The following SLC25A13 variants were observed in gnomAD, a reference collection of about 807,000 sequenced individuals.
The protein encoded by SLC25A13 is solute carrier family 25 member 13, also known as electrogenic aspartate/glutamate antiporter SLC25A13, mitochondrial.
In SLC25A13, 70 loss-of-function variants were observed where a neutral mutation model predicts 85.5. That is an observed-to-expected ratio of 0.82 (90% confidence interval 0.68 to 1.00). The LOEUF (loss-of-function observed/expected upper bound fraction) is 1.00. Among genes scored for constraint, SLC25A13 ranks in the 50% least tolerant of loss-of-function variants. The pLI, the probability that SLC25A13 is intolerant of heterozygous loss-of-function variation, is 0.00. For synonymous variants in SLC25A13, 259 were observed against 288.7 expected (o/e 0.90, Z 1.04); for missense variants, 765 against 819.8 (o/e 0.93, Z 0.82).
Position 96,120,811 on chromosome 7 carries a change from C to T in SLC25A13, c.*380G>A, listed in dbSNP as rs377554502. On this transcript the variant is annotated 3_prime_UTR_variant, in exon 18 of 18. Transcript: ENST00000265631. ...GTTTCCTACCAGTTTAAAACACACA[C>T]GAAACACTGCTCTGAGCACCATGAT... 2.4e-4 allele frequency: 111 copies of T among 461,984 alleles called. No individual in the cohort carries two copies. Among genetic ancestry groups the T allele is most frequent in the African/African-American group, 6.3e-4 (32 of 50,440 alleles). The allele number at this position is 461,984 out of a possible 1,614,324, so 28.6% of individuals were successfully genotyped here.
At chr7:96,240,418 A>T (rs940481617) in intron 3 of SLC25A13, among the ~76,000 whole-genome samples, 1 of 152,172 alleles carries the variant, frequency 6.6e-6, no homozygotes. Flanking sequence ...TTTGACTTCA[A>T]TGCCTATTCT....
chr7:96,231,034 C>G (rs76040234), intron 4 of SLC25A13, among the ~76,000 whole-genome samples: 6,932 of 152,078 alleles, frequency 0.046, 208 homozygotes, highest in Admixed American at 0.088. Flanking sequence ...TTACTTGAGC[C>G]TGGTAAGCAG....
chr7:96,296,879 T>C lies in SLC25A13; in HGVS notation c.69+19A>G, dbSNP rs1198226483. On this transcript the variant is annotated intron_variant, in intron 2 of 17. Transcript: ENST00000265631. ...AACACAAATCAAACAAGAAACAAAA[T>C]AGATTCCTTTATACTGACCTTCAAA... 1.9e-6 allele frequency: 3 copies of C among 1,606,252 alleles called. No homozygotes were observed. Among genetic ancestry groups the C allele is most frequent in the East Asian group, 2.2e-5 (1 of 44,828 alleles).
chr7:96,192,679 G>A lies in SLC25A13; in HGVS notation c.615+358C>T, dbSNP rs527752891. ...CTACTCTAACAAATGATATACATGT[G>A]CACTATTTTTTTTTTTTTTTTGCCT... On this transcript the variant is annotated intron_variant, in intron 6 of 17. Coordinates refer to ENST00000265631, the MANE Select transcript of SLC25A13 (RefSeq NM_014251.3). Among the ~76,000 whole-genome samples, 256 of 70,532 alleles carry A rather than the reference G, an allele frequency of 3.6e-3. 2 individuals carry two copies. The highest frequency in any genetic ancestry group is 5.5e-3 in the South Asian group (8 of 1,454). The allele number at this position is 70,532 out of a possible 152,430, so 46.3% of individuals were successfully genotyped here.
chr7:96,238,220 T>TA (rs1796815909), intron 3 of SLC25A13, among the ~76,000 whole-genome samples: 1 of 151,886 alleles, frequency 6.6e-6, no homozygotes, highest in South Asian at 2.1e-4. Context: ...AAGATGAACA[T>TA]AGAGATCAGG....
chr7:96,242,873 G>A (rs1797045295), intron 3 of SLC25A13, among the ~76,000 whole-genome samples: 1 of 152,192 alleles, frequency 6.6e-6, no homozygotes, highest in Non-Finnish European at 1.5e-5. Context: ...GACCACCTTG[G>A]GCACATGTTC....
At chr7:96,300,054 TA>T (rs1799495296) in intron 1 of SLC25A13, among the ~76,000 whole-genome samples, 1 of 152,168 alleles carries the variant, frequency 6.6e-6, no homozygotes, top group African/African-American at 2.4e-5. Context: ...AGTACAAGCC[TA>T]AAAATCAAAA....
In SLC25A13 at chr7:96,259,750, T is replaced by A. The variant is rs113861705; in HGVS notation, c.212+17446A>T. Among the ~76,000 whole-genome samples, 538 of 152,264 alleles carry A rather than the reference T, an allele frequency of 3.5e-3. 1 individual carries two copies. The highest frequency in any genetic ancestry group is 0.012 in the African/African-American group (499 of 41,558). On this transcript the variant is annotated intron_variant, in intron 3 of 17. Coordinates refer to ENST00000265631, the MANE Select transcript of SLC25A13 (RefSeq NM_014251.3). ...CAAATCATTCTGCTATAAAAACACA[T>A]GCACACGTATGTTTATGGCAGTACT... is the stretch of plus-strand genomic sequence containing the variant.
chr7:96,301,076 T>TA (rs1298723341), intron 1 of SLC25A13, among the ~76,000 whole-genome samples: 2 of 152,186 alleles, frequency 1.3e-5, no homozygotes, highest in Non-Finnish European at 2.9e-5. Flanking sequence ...GCAAAACCAA[T>TA]ACCCAGGAAG....
At chr7:96,135,769 G>C (rs568177197) in intron 14 of SLC25A13, among the ~76,000 whole-genome samples, 45 of 149,556 alleles carry the variant, frequency 3.0e-4, no homozygotes, top group Admixed American at 6.7e-4. Flanking sequence ...GGCCATTTGA[G>C]AATTAATAAG....
chr7:96,264,336 A>G (rs2116903880), intron 3 of SLC25A13, among the ~76,000 whole-genome samples: 1 of 152,340 alleles, frequency 6.6e-6, no homozygotes, highest in East Asian at 1.9e-4. Context: ...CTAGATAACT[A>G]TGTAGTATAC....
chr7:96,312,371 G>A (rs1051838020), intron 1 of SLC25A13, among the ~76,000 whole-genome samples: 48 of 152,226 alleles, frequency 3.2e-4, no homozygotes, highest in Admixed American at 1.4e-3. Flanking sequence ...ACAGTGTCCG[G>A]CTTTTACAAG....
chr7:96,300,812 A>T (rs1051121358), intron 1 of SLC25A13, among the ~76,000 whole-genome samples: 6 of 152,134 alleles, frequency 3.9e-5, no homozygotes, highest in Non-Finnish European at 8.8e-5. Flanking sequence ...TCAACAGGGG[A>T]TGGATTCAGA....
At chr7:96,185,233 A>G (rs1042102418) in intron 9 of SLC25A13, among the ~76,000 whole-genome samples, 7 of 152,252 alleles carry the variant, frequency 4.6e-5, no homozygotes, top group Admixed American at 2.6e-4. Flanking sequence ...AATATAATCA[A>G]AACCATCCTT....
chr7:96,205,532 G>T (rs1795426202), intron 5 of SLC25A13, among the ~76,000 whole-genome samples: 1 of 152,110 alleles, frequency 6.6e-6, no homozygotes, highest in Non-Finnish European at 1.5e-5. Flanking sequence ...AGAGAAATGT[G>T]ACCCCACTCC....
chr7:96,318,133 AT>A (rs1800198369), intron 1 of SLC25A13, among the ~76,000 whole-genome samples: 1 of 152,198 alleles, frequency 6.6e-6, no homozygotes. Flanking sequence ...TAATGCTTTA[AT>A]GTGCCCCCAA....
chr7:96,259,754 C>T (rs1797776001), intron 3 of SLC25A13, among the ~76,000 whole-genome samples: 1 of 152,126 alleles, frequency 6.6e-6, no homozygotes, highest in South Asian at 2.1e-4. Flanking sequence ...AACACATGCA[C>T]ACGTATGTTT....
chr7:96,293,587 AAAAC>A (rs1451623648), intron 2 of SLC25A13, among the ~76,000 whole-genome samples: 4 of 152,246 alleles, frequency 2.6e-5, no homozygotes, highest in Non-Finnish European at 1.5e-5. Flanking sequence ...TCACAAGAAA[AAAAC>A]AAACAACCCC....
chr7:96,241,987 G>C (rs1301253946), intron 3 of SLC25A13, among the ~76,000 whole-genome samples: 1 of 152,178 alleles, frequency 6.6e-6, no homozygotes, highest in Non-Finnish European at 1.5e-5. Flanking sequence ...GGCTACGAAA[G>C]TTTAAGCAAC....
Sources: allele counts gnomAD v4.1 joint callset (sites outside exome capture counted in the v4.1 genomes callset), GRCh38; gene constraint gnomAD v4.1.1; transcripts MANE v1.5; gene names NCBI Gene and HGNC (gene_info 2026-07-23, HGNC 2026-07-21).